NEMP2: variants seen among roughly 807,000 people sequenced by gnomAD.
The protein encoded by NEMP2 is UPF0571 transmembrane protein.
A neutral mutation model predicts 54.2 loss-of-function variants in NEMP2; 53 were observed. The observed-to-expected ratio is 0.98, with a 90% confidence interval of 0.78 to 1.23. NEMP2 has a LOEUF of 1.23. NEMP2 is among the 50% of genes most tolerant of loss of function. The pLI, the probability that NEMP2 is intolerant of heterozygous loss-of-function variation, is 0.00. For synonymous variants in NEMP2, 197 were observed against 190.3 expected, an observed-to-expected ratio of 1.04 and a Z score of -0.29; for missense variants, 455 against 511.3, an observed-to-expected ratio of 0.89 and a Z score of 1.06.
chr2:190,481,500 A>G, the NEMP2 span, among the ~76,000 whole-genome samples: 2 of 152,166 alleles, frequency 1.3e-5, no homozygotes, highest in Non-Finnish European at 2.9e-5. Context: ...CCTTTTGTTC[A>G]GCTGCTGTTA....
At chr2:190,644,063 A>G in the NEMP2 span, among the ~76,000 whole-genome samples, 1 of 152,352 alleles carries the variant, frequency 6.6e-6, no homozygotes, top group South Asian at 2.1e-4. This position sits in a 1 kb window ranked among gnomAD's most constrained non-coding sequence, Gnocchi z 4.4. Context: ...ATTTGCCTCA[A>G]TGGAAGATAA....
At chr2:190,471,812 G>A in the NEMP2 span, among the ~76,000 whole-genome samples, 2,834 of 152,236 alleles carry the variant, frequency 0.019, 112 homozygotes, top group African/African-American at 0.064. This position sits in a 1 kb window ranked among gnomAD's most constrained non-coding sequence, Gnocchi z 4.7. Context: ...TCCCTGACCC[G>A]CAAGTAGCCT....
chr2:190,631,824 G>A, the NEMP2 span, among the ~76,000 whole-genome samples: 2 of 152,216 alleles, frequency 1.3e-5, no homozygotes. Context: ...GGGAAGCCCA[G>A]GCAGGCAGGT....
chr2:190,628,440 C>T, the NEMP2 span: 57,598 of 152,054 alleles, frequency 0.38, 13,379 homozygotes, highest in African/African-American at 0.66. This position sits in a 1 kb window ranked among gnomAD's most constrained non-coding sequence, Gnocchi z 4.1. Flanking sequence ...TATACATGCT[C>T]TTAACTAGCA....
At chr2:190,424,917 A>G in the NEMP2 span, among the ~76,000 whole-genome samples, 2 of 152,184 alleles carry the variant, frequency 1.3e-5, no homozygotes, top group African/African-American at 4.8e-5. This position sits in a 1 kb window ranked among gnomAD's most constrained non-coding sequence, Gnocchi z 5.9. Flanking sequence ...GTCTATATCT[A>G]CAAAAATATG....
At chr2:190,622,421 T>TA in the NEMP2 span, among the ~76,000 whole-genome samples, 2,001 of 142,458 alleles carry the variant, frequency 0.014, 35 homozygotes, top group African/African-American at 0.046. Flanking sequence ...TGCAGTCTCT[T>TA]AAAAAAAAAA....
At chr2:190,456,474 G>A in the NEMP2 span, among the ~76,000 whole-genome samples, 1 of 152,110 alleles carries the variant, frequency 6.6e-6, no homozygotes, top group South Asian at 2.1e-4. The surrounding 1 kb of genome is among the most constrained non-coding windows in gnomAD (Gnocchi z 5.4). Flanking sequence ...GGAAAAGATC[G>A]GGGCTCCTTT....
Position 190,527,054 on chromosome 2 carries a change from G to C in NEMP2, c.98-1676C>G, listed in dbSNP as rs1213643139. Among the ~76,000 whole-genome samples the C allele has an allele frequency of 6.6e-6, 1 of 152,124 alleles. No individual in the cohort carries two copies. The highest frequency in any genetic ancestry group is 1.9e-4 in the East Asian group (1 of 5,194). On this transcript the variant is annotated intron_variant, in intron 1 of 8. Transcript: ENST00000409150. The surrounding 1 kb of genome is among the most constrained non-coding windows in gnomAD (Gnocchi z 4.0). ...GGAATGAAAGTCGTAAGTTCTTCCG[G>C]ATTCAAGATAGAGTGTCACCTCCAC...
At chr2:190,471,425 G>A in the NEMP2 span, among the ~76,000 whole-genome samples, 7 of 152,144 alleles carry the variant, frequency 4.6e-5, no homozygotes, top group African/African-American at 1.7e-4. This position sits in a 1 kb window ranked among gnomAD's most constrained non-coding sequence, Gnocchi z 4.7. Context: ...CTTAGCAAAC[G>A]GCACACTAGG....
Position 190,534,615 on chromosome 2 carries a change from A to G in NEMP2, c.41T>C (p.Leu14Pro). The G allele has an allele frequency of 1.4e-6, 2 of 1,380,738 alleles. No homozygotes were observed. Among genetic ancestry groups the G allele is most frequent in the Non-Finnish European group, 9.3e-7 (1 of 1,070,516 alleles). 85.5% of individuals were successfully genotyped at this position (1,380,738 alleles called of 1,614,324 possible). A position where few individuals can be genotyped will look rare whatever the true frequency, so the allele number is the denominator to read the frequency against. ...RQGRWWLLLWLPPLATLPVRG... is the reference protein window; with the variant it reads ...RQGRWWLLLWPPPLATLPVRG... ...CACGGGCAGTGTGGCCAGGGGCGGC[A>G]GCCAGAGCAGCAGCCACCACCGCCC... The change falls in exon 1 of 9, where the codon CTG (leucine) becomes CCG (proline). Residue 14 changes from leucine to proline, a missense_variant. Coordinates refer to ENST00000409150, the MANE Select transcript of NEMP2 (RefSeq NM_001142645.2).
At chr2:190,555,681 C>T in the NEMP2 span, among the ~76,000 whole-genome samples, 1 of 152,222 alleles carries the variant, frequency 6.6e-6, no homozygotes, top group South Asian at 2.1e-4. The surrounding 1 kb of genome is among the most constrained non-coding windows in gnomAD (Gnocchi z 4.8). Flanking sequence ...GAAAGATCAA[C>T]TCTACATTAG....
chr2:190,535,386 T>TA (rs919173215), upstream of NEMP2, among the ~76,000 whole-genome samples: 1 of 151,802 alleles, frequency 6.6e-6, no homozygotes, highest in Non-Finnish European at 1.5e-5. Flanking sequence ...TACCTTATGT[T>TA]AAAAAAAAGT....
Position 190,529,994 on chromosome 2 carries a change from G to T in NEMP2, c.97+4565C>A, listed in dbSNP as rs1033654638. On this transcript the variant is annotated intron_variant, in intron 1 of 8. Coordinates refer to ENST00000409150, the MANE Select transcript of NEMP2 (RefSeq NM_001142645.2). This position sits in a 1 kb window ranked among gnomAD's most constrained non-coding sequence, Gnocchi z 4.7. The stretch of plus-strand genomic sequence containing the variant: ...TAACCCTTAACATCCTCTGGACTGG[G>T]GATCATCTTCTTGCCCCTCACTGGA... Among the ~76,000 whole-genome samples the T allele has an allele frequency of 1.6e-4, 24 of 152,182 alleles. No individual in the cohort carries two copies. Among genetic ancestry groups the T allele is most frequent in the African/African-American group, 5.6e-4 (23 of 41,432 alleles).
At position 190,509,428 on chromosome 2, in the gene NEMP2, C is replaced by T; in HGVS notation, c.1131-116G>A. 8.3e-7 allele frequency: 1 copy of T among 1,198,370 alleles called. No homozygotes were observed. 74.2% of individuals were successfully genotyped at this position (1,198,370 alleles called of 1,614,324 possible). A position where few individuals can be genotyped will look rare whatever the true frequency, so the allele number is the denominator to read the frequency against. ...AATTAAATTTGACTTTGCATCAATA[C>T]AGGGTGGCATTTACACAGTGGGTGT... On this transcript the variant is annotated intron_variant, in intron 8 of 8. Coordinates refer to ENST00000409150, the MANE Select transcript of NEMP2 (RefSeq NM_001142645.2). The surrounding 1 kb of genome is among the most constrained non-coding windows in gnomAD (Gnocchi z 6.1).
chr2:190,605,771 T>C, the NEMP2 span, among the ~76,000 whole-genome samples: 1 of 152,220 alleles, frequency 6.6e-6, no homozygotes, highest in Non-Finnish European at 1.5e-5. Flanking sequence ...CAAATTCAAA[T>C]GTCAGTTCTC....
chr2:190,457,078 C>T, the NEMP2 span, among the ~76,000 whole-genome samples: 49 of 152,258 alleles, frequency 3.2e-4, no homozygotes, highest in African/African-American at 7.0e-4. This position sits in a 1 kb window ranked among gnomAD's most constrained non-coding sequence, Gnocchi z 5.1. Flanking sequence ...ACTGCTAGTC[C>T]GTTTCTTATG....
the NEMP2 span, among the ~76,000 whole-genome samples, chr2:190,455,534 G>A: frequency 6.6e-6 from 1 of 152,156 alleles, no homozygotes; most frequent in Non-Finnish European, 1.5e-5. Flanking sequence ...CACGACCCTG[G>A]CAACTTGGTG....
chr2:190,638,326 C>G, the NEMP2 span, among the ~76,000 whole-genome samples: 1 of 152,044 alleles, frequency 6.6e-6, no homozygotes, highest in African/African-American at 2.4e-5. The surrounding 1 kb of genome is among the most constrained non-coding windows in gnomAD (Gnocchi z 5.7). Context: ...AGTAAGTAAC[C>G]TGCCTATTTT....
At chr2:190,596,972 A>G in the NEMP2 span, among the ~76,000 whole-genome samples, 1 of 152,148 alleles carries the variant, frequency 6.6e-6, no homozygotes, top group Non-Finnish European at 1.5e-5. The surrounding 1 kb of genome is among the most constrained non-coding windows in gnomAD (Gnocchi z 5.1). Context: ...ATTTTCTTTT[A>G]AGTTTTCTGG....
Sources: allele counts gnomAD v4.1 joint callset (sites outside exome capture counted in the v4.1 genomes callset), GRCh38; gene constraint gnomAD v4.1.1; non-coding constraint Gnocchi (gnomAD v3.1); transcripts MANE v1.5; gene names NCBI Gene and HGNC (gene_info 2026-07-23, HGNC 2026-07-21).